The following TNRC6C variants were observed in gnomAD, a reference collection of about 807,000 sequenced individuals.
TNRC6C encodes the protein trinucleotide repeat-containing gene 6C protein.
In TNRC6C, 20 loss-of-function variants were observed where a neutral mutation model predicts 153.7. The ratio of observed to expected loss-of-function variants is 0.13; its 90% CI spans 0.09 to 0.19. TNRC6C has a LOEUF of 0.19. TNRC6C is among the 10% of genes least tolerant of loss of function. The pLI, the probability that TNRC6C is intolerant of heterozygous loss-of-function variation, is 1.00. For missense variants in TNRC6C, 1,987 were observed against 2,172.0 expected (o/e 0.91, Z 1.69); for synonymous variants, 811 against 841.4 (o/e 0.96, Z 0.63).
intron 1 of TNRC6C, 110 bp downstream of exon 1, chr17:77,959,378 C>A (rs1283102903): frequency 6.6e-6 from 1 of 151,644 alleles, no homozygotes; most frequent in African/African-American, 2.4e-5. Context: ...CCCCTAGCGA[C>A]CCGCGTGCGG....
chr17:78,011,450 TG>T (rs1380095289), intron 1 of TNRC6C, among the ~76,000 whole-genome samples: 6 of 152,252 alleles, frequency 3.9e-5, no homozygotes, highest in Non-Finnish European at 8.8e-5. Context: ...CTGTGCACTT[TG>T]GCTCCTTTCA....
chr17:78,101,546 C>A (rs2073594460), intron 17 of TNRC6C, among the ~76,000 whole-genome samples: 1 of 152,168 alleles, frequency 6.6e-6, no homozygotes, highest in Admixed American at 6.5e-5. Context: ...GACACACACA[C>A]AGAAATAGAG....
At chr17:77,966,572 T>G (rs1345102866) in intron 1 of TNRC6C, among the ~76,000 whole-genome samples, 2 of 152,202 alleles carry the variant, frequency 1.3e-5, no homozygotes, top group African/African-American at 4.8e-5. Flanking sequence ...TATTAAGATA[T>G]TTGGTTAAAT....
chr17:77,991,489 A>C (rs2071249179), intron 1 of TNRC6C, among the ~76,000 whole-genome samples: 1 of 152,198 alleles, frequency 6.6e-6, no homozygotes, highest in East Asian at 1.9e-4. Flanking sequence ...AGTTGTGGTC[A>C]CTTGAATGTG....
intron 1 of TNRC6C, 45 bp downstream of exon 1, chr17:77,959,313 G>C (rs1015629773): frequency 6.6e-6 from 1 of 151,838 alleles, no homozygotes; most frequent in African/African-American, 2.4e-5. Context: ...CCGCAACTTT[G>C]CCGGGAGGTT....
At chr17:78,040,480 A>C (rs1225455292) in intron 2 of TNRC6C, among the ~76,000 whole-genome samples, 1 of 152,194 alleles carries the variant, frequency 6.6e-6, no homozygotes, top group Non-Finnish European at 1.5e-5. Context: ...GCAGGAAAGT[A>C]ATTAAGAAGC....
intron 5 of TNRC6C, among the ~76,000 whole-genome samples, chr17:78,070,649 C>G (rs1039445842): frequency 1.3e-5 from 2 of 152,136 alleles, no homozygotes; most frequent in Admixed American, 6.6e-5. Flanking sequence ...TTTCTTCTTG[C>G]TGCCTCTTTA....
At chr17:78,055,887 G>A (rs1292361619) in intron 3 of TNRC6C, among the ~76,000 whole-genome samples, 1 of 152,188 alleles carries the variant, frequency 6.6e-6, no homozygotes, top group Non-Finnish European at 1.5e-5. Flanking sequence ...GGGAGATGGT[G>A]AAGTCTCAGA....
chr17:78,012,481 T>A (rs1235556885), intron 1 of TNRC6C, among the ~76,000 whole-genome samples: 2 of 151,758 alleles, frequency 1.3e-5, no homozygotes, highest in African/African-American at 4.8e-5. Context: ...CATATGTACC[T>A]CCTAACCTAA....
intron 1 of TNRC6C, among the ~76,000 whole-genome samples, chr17:78,007,310 T>G (rs1403859553): frequency 6.6e-6 from 1 of 152,234 alleles, no homozygotes; most frequent in Non-Finnish European, 1.5e-5. Context: ...AAAAAATGCT[T>G]TTTGAATTAT....
intron 1 of TNRC6C, 132 bp downstream of exon 1, chr17:77,959,400 G>A (rs957639960): frequency 6.6e-6 from 1 of 151,742 alleles, no homozygotes; most frequent in Non-Finnish European, 1.5e-5. Flanking sequence ...GCCAGGCCCC[G>A]GGCCGGCCGG....
chr17:77,985,659 C>T (rs773832092), intron 1 of TNRC6C, among the ~76,000 whole-genome samples: 2 of 151,508 alleles, frequency 1.3e-5, no homozygotes, highest in African/African-American at 2.4e-5. Flanking sequence ...GAACTTCTGA[C>T]GTCCTCTGTC....
At chr17:77,974,276 T>C (rs535297540) in intron 1 of TNRC6C, among the ~76,000 whole-genome samples, 2 of 152,298 alleles carry the variant, frequency 1.3e-5, no homozygotes, top group African/African-American at 2.4e-5. Flanking sequence ...AAAAAAGATA[T>C]ACAAATAGCT....
At chr17:78,055,285 G>A (rs1467957710) in intron 3 of TNRC6C, among the ~76,000 whole-genome samples, 1 of 152,090 alleles carries the variant, frequency 6.6e-6, no homozygotes, top group Admixed American at 6.5e-5. Context: ...GGCCTACACA[G>A]GGCCGGGATC....
intron 1 of TNRC6C, among the ~76,000 whole-genome samples, chr17:77,974,199 G>A (rs183070188): frequency 2.2e-4 from 34 of 152,174 alleles, no homozygotes; most frequent in East Asian, 5.8e-4. Flanking sequence ...AAGAGCTCTC[G>A]TAACTTAATA....
intron 1 of TNRC6C, among the ~76,000 whole-genome samples, chr17:77,980,153 C>T (rs75049758): frequency 0.027 from 4,120 of 152,166 alleles, 85 homozygotes; most frequent in South Asian, 0.056. Context: ...GATAGATAGA[C>T]GAATACATCT....
rs142881008 is a variant in TNRC6C, at chr17:77,981,470, A to G, written c.-38+22202A>G. Among the ~76,000 whole-genome samples, 883 of 152,332 alleles carry G rather than the reference A, an allele frequency of 5.8e-3. 12 individuals carry two copies. Among genetic ancestry groups the G allele is most frequent in the African/African-American group, 0.02 (842 of 41,582 alleles). On this transcript the variant is annotated intron_variant, in intron 1 of 22. Coordinates refer to the TNRC6C transcript ENST00000636222. ...TCAACTCATTAGCATACAAAAAGAC[A>G]TTACTTTGGAGTTTGGAAGGATTTT...
chr17:78,080,395 A>G lies in TNRC6C; in HGVS notation c.3357+854A>G, dbSNP rs550419634. Among the ~76,000 whole-genome samples the G allele has an allele frequency of 1.9e-4, 29 of 152,258 alleles. No individual in the cohort carries two copies. In the South Asian group the frequency reaches 3.1e-3, roughly 16 times the overall value. Reference sequence around the variant, plus strand: ...GGGGAGGTGGAGATTGCGGTGAGCCAAGATCACACCATTGCACTCCAGCCT... The same window carrying G: ...GGGGAGGTGGAGATTGCGGTGAGCCGAGATCACACCATTGCACTCCAGCCT... On this transcript the variant is annotated intron_variant, in intron 10 of 19. Coordinates refer to ENST00000301624, the Ensembl canonical transcript of TNRC6C.
chr17:78,055,182 A>C (rs1254348774), intron 3 of TNRC6C, among the ~76,000 whole-genome samples: 2 of 152,238 alleles, frequency 1.3e-5, no homozygotes, highest in Non-Finnish European at 1.5e-5. Context: ...ACAGCTTCAC[A>C]AAAGTATTTT....
Sources: allele counts gnomAD v4.1 joint callset (sites outside exome capture counted in the v4.1 genomes callset), GRCh38; gene constraint gnomAD v4.1.1; transcripts MANE v1.5; gene names NCBI Gene and HGNC (gene_info 2026-07-23, HGNC 2026-07-21).